The following NCKAP5L variants were observed in gnomAD, a reference collection of about 807,000 sequenced individuals.
The protein encoded by NCKAP5L is NCK associated protein 5 like.
Under a neutral mutation model 103.2 loss-of-function variants are expected in NCKAP5L, and 54 were observed. The ratio of observed to expected loss-of-function variants is 0.52; its 90% CI spans 0.42 to 0.66. The LOEUF is 0.66. Among genes scored for constraint, NCKAP5L ranks in the 30% least tolerant of loss-of-function variants. The probability of loss-of-function intolerance (pLI) is 0.00; values close to 1 mark genes in which losing one functional copy is unlikely to be tolerated. For synonymous variants in NCKAP5L, 762 were observed against 748.6 expected (o/e 1.02, Z -0.29); for missense variants, 1,733 against 1,750.6 (o/e 0.99, Z 0.18).
Position 49,802,001 on chromosome 12 carries a change from G to A in NCKAP5L, c.232-34C>T, listed in dbSNP as rs375169749. 10 of 1,610,308 alleles carry A rather than the reference G, an allele frequency of 6.2e-6. No individual in the cohort carries two copies. In the African/African-American group the frequency reaches 1.1e-4, roughly 17 times the overall value. ...CACCCCGGGAAGTGCAGGAAGAAGA[G>A]GTGAGGATGGTGGGAGAGTGTCACA... On this transcript the variant is annotated intron_variant, in intron 5 of 12. Coordinates refer to ENST00000335999, the MANE Select transcript of NCKAP5L (RefSeq NM_001037806.4).
chr12:49,826,265 T>C (rs1377772241), intron 1 of NCKAP5L, among the ~76,000 whole-genome samples: 2 of 152,144 alleles, frequency 1.3e-5, no homozygotes, highest in Non-Finnish European at 2.9e-5. Flanking sequence ...TCCCAACAGC[T>C]GAGACGTAAA....
chr12:49,791,554 G>A lies in NCKAP5L; in HGVS notation c.*285C>T. 3.2e-6 allele frequency: 1 copy of A among 316,190 alleles called. No homozygotes were observed. Among genetic ancestry groups the A allele is most frequent in the East Asian group, 5.2e-5 (1 of 19,116 alleles). The allele number at this position is 316,190 out of a possible 1,614,324, so 19.6% of individuals were successfully genotyped here. A position where few individuals can be genotyped will look rare whatever the true frequency, so the allele number is the denominator to read the frequency against. On this transcript the variant is annotated 3_prime_UTR_variant, in exon 13 of 13. Transcript: ENST00000335999. ...CTCAGCCTGAAGTAGGGACTGGAGG[G>A]CTGCGACACAGTGGCCTTTAACCCC...
intron 1 of NCKAP5L, among the ~76,000 whole-genome samples, chr12:49,822,848 A>G (rs1000010146): frequency 6.6e-6 from 1 of 152,024 alleles, no homozygotes; most frequent in Non-Finnish European, 1.5e-5. Flanking sequence ...CAGAGATTTC[A>G]ATTTTCAAAC....
intron 1 of NCKAP5L, among the ~76,000 whole-genome samples, chr12:49,815,899 T>C (rs549307243): frequency 7.1e-4 from 108 of 152,256 alleles, no homozygotes; most frequent in African/African-American, 2.5e-3. Flanking sequence ...AGCAACCTTC[T>C]AAAACTATAA....
In NCKAP5L at chr12:49,792,595, A is replaced by G. The variant is rs772783410; in HGVS notation, c.3650-7T>C. On this transcript the variant is annotated splice_polypyrimidine_tract_variant and splice_region_variant and intron_variant, in intron 11 of 12. Coordinates refer to ENST00000335999, the MANE Select transcript of NCKAP5L (RefSeq NM_001037806.4). This position sits in a 1 kb window ranked among gnomAD's most constrained non-coding sequence, Gnocchi z 4.5. ...CCTGGGTCTTCACAGGGATCTGTCC[A>G]GGAACAAAGGGAAGGTGGATGGAGC... 9.9e-6 allele frequency: 16 copies of G among 1,613,624 alleles called. No individual in the cohort carries two copies. In the South Asian group the frequency reaches 1.8e-4, roughly 18 times the overall value.
chr12:49,803,779 CTG>C, intron 3 of NCKAP5L, 141 bp downstream of exon 3: 1 of 1,122,836 alleles, frequency 8.9e-7, no homozygotes, highest in Non-Finnish European at 1.2e-6. Context: ...AAAGAATGTT[CTG>C]CTAGCCTCCT....
At chr12:49,802,243 C>T (rs750787206) in intron 5 of NCKAP5L, 10 of 330,164 alleles carry the variant, frequency 3.0e-5, no homozygotes, top group Non-Finnish European at 4.9e-5. Flanking sequence ...AATCGACCCC[C>T]CGCCTCTTTT....
chr12:49,803,593 C>T (rs1220282578), intron 3 of NCKAP5L, among the ~76,000 whole-genome samples: 1 of 152,182 alleles, frequency 6.6e-6, no homozygotes, highest in Non-Finnish European at 1.5e-5. Flanking sequence ...CATCCAGCCT[C>T]TTCCTCTTGT....
Position 49,797,480 on chromosome 12 carries a change from G to T in NCKAP5L, c.466-86C>A. On this transcript the variant is annotated intron_variant, in intron 7 of 12. Transcript: ENST00000335999. This position sits in a 1 kb window ranked among gnomAD's most constrained non-coding sequence, Gnocchi z 4.5. Reference sequence around the variant, plus strand: ...CCCAGGCCCTGGGCTGGCTTAACAGGGAATGCCAGGAACAGAGCTGGCCTG... The same window carrying T: ...CCCAGGCCCTGGGCTGGCTTAACAGTGAATGCCAGGAACAGAGCTGGCCTG... The T allele has an allele frequency of 1.0e-6, 1 of 1,003,644 alleles. No individual in the cohort carries two copies. The highest frequency in any genetic ancestry group is 1.4e-6 in the Non-Finnish European group (1 of 690,172). The allele number at this position is 1,003,644 out of a possible 1,614,324, so 62.2% of individuals were successfully genotyped here.
At position 49,798,363 on chromosome 12, in the gene NCKAP5L, G is replaced by C; in HGVS notation, c.452C>G (p.Ala151Gly). 1 of 1,560,810 alleles carries C rather than the reference G, an allele frequency of 6.4e-7. No individual in the cohort carries two copies. Among genetic ancestry groups the C allele is most frequent in the Non-Finnish European group, 8.7e-7 (1 of 1,151,726 alleles). The change falls in exon 7 of 13, where the codon GCT (alanine) becomes GGT (glycine). Residue 151 changes from alanine to glycine, a missense_variant. Ala to Gly is a moderately conservative substitution (Grantham distance 60, BLOSUM62 0). Transcript: ENST00000335999. Reference protein sequence around the residue: ...PAAPLPLGHCAGQREVCWEQQ... With the variant: ...PAAPLPLGHCGGQREVCWEQQ... The stretch of plus-strand genomic sequence containing the variant: ...TAGCCCTCCTACCTCTCTCTGCCCA[G>C]CACAGTGCCCCAGAGGCAGCGGGGC...
intron 1 of NCKAP5L, among the ~76,000 whole-genome samples, chr12:49,825,336 G>GA (rs1236069361): frequency 6.6e-6 from 1 of 152,194 alleles, no homozygotes; most frequent in Non-Finnish European, 1.5e-5. Flanking sequence ...GAGGGTTGTC[G>GA]AAGGAGACAG....
intron 1 of NCKAP5L, among the ~76,000 whole-genome samples, chr12:49,810,560 C>T (rs1420115125): frequency 6.6e-6 from 1 of 152,182 alleles, no homozygotes. Flanking sequence ...AATACTACTA[C>T]TAAGACACTA....
In NCKAP5L at chr12:49,797,570, G is replaced by C. The variant is rs1411046337; in HGVS notation, c.466-176C>G. 6.6e-6 allele frequency among the ~76,000 whole-genome samples: 1 copy of C among 152,166 alleles called. No individual in the cohort carries two copies. The highest frequency in any genetic ancestry group is 2.4e-5 in the African/African-American group (1 of 41,424). On this transcript the variant is annotated intron_variant, in intron 7 of 12. Coordinates refer to ENST00000335999, the MANE Select transcript of NCKAP5L (RefSeq NM_001037806.4). This position sits in a 1 kb window ranked among gnomAD's most constrained non-coding sequence, Gnocchi z 4.5. ...GATATGATGGTTCCGCTTCCTCAAG[G>C]GTTGCTCAACACTGGTTACCCCAGT...
At position 49,795,940 on chromosome 12, in the gene NCKAP5L, G is replaced by C. The variant is rs745610904; in HGVS notation, c.1920C>G (p.Asn640Lys). The part of the protein sequence containing the change: ...SPHPGRRTPG[N>K]SSKKPSQGSG... ...ACCCCTGGCTGGGCTTCTTGGATGA[G>C]TTGCCTGGGGTCCTGCGGCCGGGAT... Residue 640 changes from asparagine (N) to lysine (K), a missense_variant, in exon 8 of 13, where the codon AAC (asparagine) becomes AAG (lysine). Coordinates refer to ENST00000335999, the MANE Select transcript of NCKAP5L (RefSeq NM_001037806.4). 3 of 1,528,042 alleles carry C rather than the reference G, an allele frequency of 2.0e-6. No individual in the cohort carries two copies. The highest frequency in any genetic ancestry group is 2.6e-6 in the Non-Finnish European group (3 of 1,144,728). 94.7% of individuals were successfully genotyped at this position (1,528,042 alleles called of 1,614,324 possible).
intron 1 of NCKAP5L, among the ~76,000 whole-genome samples, chr12:49,811,907 C>T (rs1448997673): frequency 6.6e-6 from 1 of 152,216 alleles, no homozygotes; most frequent in East Asian, 1.9e-4. Flanking sequence ...ACCATCTTCT[C>T]ATTGTTCCCT....
chr12:49,819,170 G>A lies in NCKAP5L; in HGVS notation c.-99+9152C>T, dbSNP rs566453437. On this transcript the variant is annotated intron_variant, in intron 1 of 12. Coordinates refer to ENST00000335999, the MANE Select transcript of NCKAP5L (RefSeq NM_001037806.4). ...TATTAAAACTACAAAAAATTAGCCGGGCGTGGTCGTGGGCACCTGTAGTCC... is the reference window on the plus strand; with the variant it reads ...TATTAAAACTACAAAAAATTAGCCGAGCGTGGTCGTGGGCACCTGTAGTCC... Among the ~76,000 whole-genome samples, 58 of 152,142 alleles carry A rather than the reference G, an allele frequency of 3.8e-4. No individual in the cohort carries two copies. The South Asian group carries it at 6.6e-3, about 17-fold the overall frequency.
chr12:49,806,993 C>G (rs141294865), intron 1 of NCKAP5L, among the ~76,000 whole-genome samples: 3 of 152,318 alleles, frequency 2.0e-5, no homozygotes, highest in Non-Finnish European at 4.4e-5. Flanking sequence ...CTGCTGCTAC[C>G]TTGTCCGTTC....
Position 49,792,280 on chromosome 12 carries a change from G to C in NCKAP5L, c.3792+166C>G. On this transcript the variant is annotated intron_variant, in intron 12 of 12. Transcript: ENST00000335999. This position sits in a 1 kb window ranked among gnomAD's most constrained non-coding sequence, Gnocchi z 4.5. ...TCCCCACGAGAGAAGTGCAAGGAGG[G>C]CAGTGGGGAGGGCCGCTCACAGGGC... is the stretch of plus-strand genomic sequence containing the variant. 2 of 1,358,710 alleles carry C rather than the reference G, an allele frequency of 1.5e-6. No individual in the cohort carries two copies. The highest frequency in any genetic ancestry group is 2.0e-6 in the Non-Finnish European group (2 of 983,620). 84.2% of individuals were successfully genotyped at this position (1,358,710 alleles called of 1,614,324 possible). A position where few individuals can be genotyped will look rare whatever the true frequency, so the allele number is the denominator to read the frequency against.
chr12:49,808,662 C>T (rs1405223881), intron 1 of NCKAP5L, among the ~76,000 whole-genome samples: 1 of 152,192 alleles, frequency 6.6e-6, no homozygotes, highest in African/African-American at 2.4e-5. Context: ...GGATGCCTGC[C>T]CAGGCAGGCT....
Sources: gnomAD v4.1 joint callset for allele counts (sites outside exome capture counted in the v4.1 genomes callset) on GRCh38, gnomAD v4.1.1 for gene constraint, Gnocchi (gnomAD v3.1) non-coding constraint, MANE v1.5 for transcripts, NCBI Gene and HGNC (gene_info 2026-07-23, HGNC 2026-07-21) for gene names.